The following PTPN23 variants were observed in gnomAD, a reference collection of about 807,000 sequenced individuals.
The protein encoded by PTPN23 is protein tyrosine phosphatase non-receptor type 23.
A neutral mutation model predicts 156.3 loss-of-function variants in PTPN23; 72 were observed. The observed-to-expected ratio is 0.46, with a 90% confidence interval of 0.38 to 0.56. The LOEUF (loss-of-function observed/expected upper bound fraction) is 0.56. Among genes scored for constraint, PTPN23 ranks in the 20% least tolerant of loss-of-function variants. The pLI is 0.00. For synonymous variants in PTPN23, 957 were observed against 899.6 expected, an observed-to-expected ratio of 1.06 and a Z score of -1.14; for missense variants, 1,974 against 2,171.5, an observed-to-expected ratio of 0.91 and a Z score of 1.81.
chr3:47,386,930 A>C (rs1704665753), intron 1 of PTPN23, among the ~76,000 whole-genome samples: 1 of 152,206 alleles, frequency 6.6e-6, no homozygotes, highest in Non-Finnish European at 1.5e-5. Flanking sequence ...GACGTAATAA[A>C]ATATTTGTAT....
chr3:47,404,956 G>T, intron 3 of PTPN23, 49 bp from the exon 4 acceptor site: 1 of 1,610,814 alleles, frequency 6.2e-7, no homozygotes, highest in Non-Finnish European at 8.5e-7. Flanking sequence ...TAATCTCAGG[G>T]CCCTGGCTAG....
rs779607740 is a variant in PTPN23 at position 47,410,862 on chromosome 3, C to A, written c.3064C>A (p.Pro1022Thr). The change falls in exon 20 of 25, where the codon CCC becomes ACC. Residue 1022 changes from proline to threonine, a missense_variant. By Grantham distance (38) the Pro-to-Thr change is conservative. This residue lies in a region of PTPN23 where 731 missense variants were observed against 669.1 expected (regional missense o/e 1.09). Coordinates refer to ENST00000265562, the MANE Select transcript of PTPN23 (RefSeq NM_015466.4). ...PPLHTQLYPGPAQDPLPAHSG... is the reference protein window; with the variant it reads ...PPLHTQLYPGTAQDPLPAHSG... Reference sequence around the variant, plus strand: ...CCTACACACCCAGCTCTACCCAGGTCCCGCTCAAGACCCTCTGCCAGCCCA... The same window carrying A: ...CCTACACACCCAGCTCTACCCAGGTACCGCTCAAGACCCTCTGCCAGCCCA... 1.9e-6 allele frequency: 3 copies of A among 1,609,614 alleles called. No homozygotes were observed. In the Admixed American group the frequency reaches 5.0e-5, roughly 27 times the overall value.
chr3:47,389,232 C>T (rs1247845092), intron 1 of PTPN23, among the ~76,000 whole-genome samples: 1 of 152,194 alleles, frequency 6.6e-6, no homozygotes, highest in East Asian at 1.9e-4. Context: ...CATCTTCCTT[C>T]CCTGTTTGGG....
At chr3:47,384,571 T>C (rs1704616818) in intron 1 of PTPN23, among the ~76,000 whole-genome samples, 1 of 151,828 alleles carries the variant, frequency 6.6e-6, no homozygotes, top group African/African-American at 2.4e-5. Flanking sequence ...GAATAGGAGT[T>C]TTCCAGACAG....
intron 15 of PTPN23, 123 bp from the exon 16 acceptor site, chr3:47,408,653 T>G: frequency 7.1e-7 from 1 of 1,413,780 alleles, no homozygotes; most frequent in Non-Finnish European, 9.6e-7. Flanking sequence ...TGCACCCTGC[T>G]CAGTGTGCGC....
chr3:47,394,260 T>C (rs1704833908), intron 1 of PTPN23, among the ~76,000 whole-genome samples: 1 of 152,182 alleles, frequency 6.6e-6, no homozygotes, highest in African/African-American at 2.4e-5. Flanking sequence ...TCCTTAATGC[T>C]TATTGTTTGA....
At chr3:47,381,461 A>C (rs1704536327) in intron 1 of PTPN23, among the ~76,000 whole-genome samples, 1 of 151,996 alleles carries the variant, frequency 6.6e-6, no homozygotes, top group African/African-American at 2.4e-5. Context: ...GAGGCAGCAC[A>C]CTTCCTCCTT....
chr3:47,400,926 G>GGAGTCTCAAAACA (rs1219364174), intron 2 of PTPN23, among the ~76,000 whole-genome samples: 31 of 151,276 alleles, frequency 2.0e-4, no homozygotes, highest in African/African-American at 5.6e-4. Context: ...TTTTTGAGAT[G>GGAGTCTCAAAACA]GAGTCTCACT....
Position 47,407,470 on chromosome 3 carries a change from C to T in PTPN23, c.924-35C>T, listed in dbSNP as rs369365323. ...AGGTTCTGGATCCCCACTGACACCCCGTGACTGCCCACTCCCCCTGCTCCT... is the reference window on the plus strand; with the variant it reads ...AGGTTCTGGATCCCCACTGACACCCTGTGACTGCCCACTCCCCCTGCTCCT... On this transcript the variant is annotated intron_variant, in intron 11 of 24. Transcript: ENST00000265562. This position sits in a 1 kb window ranked among gnomAD's most constrained non-coding sequence, Gnocchi z 4.0. 27 of 1,608,842 alleles carry T rather than the reference C, an allele frequency of 1.7e-5. No individual in the cohort carries two copies. The highest frequency in any genetic ancestry group is 1.5e-4 in the African/African-American group (11 of 74,790).
intron 1 of PTPN23, among the ~76,000 whole-genome samples, chr3:47,387,418 A>AG (rs1222039688): frequency 2.3e-4 from 35 of 151,086 alleles, no homozygotes; most frequent in South Asian, 8.4e-4. Flanking sequence ...AAAAAAAAAA[A>AG]AAAAGAAAGG....
chr3:47,410,842 A>G lies in PTPN23; in HGVS notation c.3044A>G (p.His1015Arg). 1.4e-6 allele frequency: 2 copies of G among 1,454,804 alleles called. No homozygotes were observed. Among genetic ancestry groups the G allele is most frequent in the Non-Finnish European group, 1.8e-6 (2 of 1,097,144 alleles). 90.1% of individuals were successfully genotyped at this position (1,454,804 alleles called of 1,614,324 possible). ...CTGGGGCAGCCGCCACCCCCCCTAC[A>G]CACCCAGCTCTACCCAGGTCCCGCT... ...GVLGQPPPPL[H>R]TQLYPGPAQD... Residue 1015 changes from histidine to arginine, a missense_variant, in exon 20 of 25, where the codon CAC (histidine) becomes CGC (arginine). This residue lies in a region of PTPN23 where 731 missense variants were observed against 669.1 expected (regional missense o/e 1.09). Coordinates refer to ENST00000265562, the MANE Select transcript of PTPN23 (RefSeq NM_015466.4).
At position 47,412,117 on chromosome 3, in the gene PTPN23, A is replaced by T. The variant is rs369616852; in HGVS notation, c.4097A>T (p.Asn1366Ile). Residue 1366 changes from asparagine to isoleucine, a missense_variant, in exon 22 of 25, where the codon AAC (asparagine) becomes ATC (isoleucine). Around this residue, in one of 4 missense-constraint regions of PTPN23, gnomAD observed 484 missense variants for 516.0 expected, o/e 0.94. Transcript: ENST00000265562. ...AGAGGCCTGCCCGACAGCCCCAGCA[A>T]CTTGCTGCGCTTCATCCAGGAGGTG... ...PELGLPDSPS[N>I]LLRFIQEVHA... The T allele has an allele frequency of 2.2e-5, 36 of 1,613,088 alleles. No homozygotes were observed. Among genetic ancestry groups the T allele is most frequent in the Non-Finnish European group, 2.9e-5 (34 of 1,180,016 alleles).
At chr3:47,395,371 A>G (rs1013051271) in intron 1 of PTPN23, among the ~76,000 whole-genome samples, 2 of 152,232 alleles carry the variant, frequency 1.3e-5, no homozygotes, top group African/African-American at 4.8e-5. Flanking sequence ...TTGCTAGCCA[A>G]GACACCAGCA....
Position 47,407,424 on chromosome 3 carries a change from G to T in PTPN23, c.923+57G>T. On this transcript the variant is annotated intron_variant, in intron 11 of 24. Coordinates refer to ENST00000265562, the MANE Select transcript of PTPN23 (RefSeq NM_015466.4). The surrounding 1 kb of genome is among the most constrained non-coding windows in gnomAD (Gnocchi z 4.0). Reference sequence around the variant, plus strand: ...TTTTTGTGAAGGGTCTTGTCCCTCTGCTGGCATCTACATGGGAAGTAGGTT... The same window carrying T: ...TTTTTGTGAAGGGTCTTGTCCCTCTTCTGGCATCTACATGGGAAGTAGGTT... The T allele has an allele frequency of 6.2e-7, 1 of 1,609,768 alleles. No homozygotes were observed. Among genetic ancestry groups the T allele is most frequent in the Non-Finnish European group, 8.5e-7 (1 of 1,176,440 alleles).
Position 47,408,370 on chromosome 3 carries a change from G to T in PTPN23, c.1210G>T (p.Asp404Tyr). 1 of 1,614,096 alleles carries T rather than the reference G, an allele frequency of 6.2e-7. No individual in the cohort carries two copies. ...LDQFMDSMQL[D>Y]PETVDNLDAY... Reference sequence around the variant, plus strand: ...CCAGTTCATGGATTCAATGCAGTTGGATCCCGAGACGGTGGACAACCTTGA... The same window carrying T: ...CCAGTTCATGGATTCAATGCAGTTGTATCCCGAGACGGTGGACAACCTTGA... The change falls in exon 15 of 25, where the codon GAT becomes TAT. Residue 404 changes from aspartate to tyrosine, a missense_variant. By Grantham distance (160) the Asp-to-Tyr change is radical. Coordinates refer to ENST00000265562, the MANE Select transcript of PTPN23 (RefSeq NM_015466.4).
At chr3:47,393,303 C>T (rs922092434) in intron 1 of PTPN23, among the ~76,000 whole-genome samples, 1 of 152,062 alleles carries the variant, frequency 6.6e-6, no homozygotes, top group Non-Finnish European at 1.5e-5. Context: ...CAGGTGCCCA[C>T]CACCATGCCT....
chr3:47,396,665 A>G lies in PTPN23; in HGVS notation c.159+448A>G, dbSNP rs573500642. On this transcript the variant is annotated intron_variant, in intron 2 of 24. Transcript: ENST00000265562. ...ATGTGTGACTCATGCCTATGATCCC[A>G]GCACTTTGGGAGGCCAAGGCAGGAG... 2.6e-5 allele frequency among the ~76,000 whole-genome samples: 4 copies of G among 152,318 alleles called. No homozygotes were observed. In the South Asian group the frequency reaches 8.3e-4, roughly 32 times the overall value.
In PTPN23 at chr3:47,413,219, C is replaced by T. The variant is rs760430965; in HGVS notation, c.*34C>T. On this transcript the variant is annotated 3_prime_UTR_variant, in exon 25 of 25. Transcript: ENST00000265562. ...TGCCTACCTGGTCCTTACACTACATCATCATCATCTCATGCCCACCTGCCC... is the reference window on the plus strand; with the variant it reads ...TGCCTACCTGGTCCTTACACTACATTATCATCATCTCATGCCCACCTGCCC... 2 of 1,566,276 alleles carry T rather than the reference C, an allele frequency of 1.3e-6. No homozygotes were observed. The highest frequency in any genetic ancestry group is 1.7e-6 in the Non-Finnish European group (2 of 1,152,560).
chr3:47,400,391 C>G (rs1372324969), intron 2 of PTPN23, among the ~76,000 whole-genome samples: 9 of 152,216 alleles, frequency 5.9e-5, no homozygotes, highest in Admixed American at 5.9e-4. Flanking sequence ...CAAGCTCTCT[C>G]TCAGACTCCT....
Sources: allele counts gnomAD v4.1 joint callset (sites outside exome capture counted in the v4.1 genomes callset), GRCh38; gene constraint gnomAD v4.1.1; regional missense constraint gnomAD v4.1.1; non-coding constraint Gnocchi (gnomAD v3.1); transcripts MANE v1.5; gene names NCBI Gene and HGNC (gene_info 2026-07-23, HGNC 2026-07-21).